The following SLC4A10 variants were observed in gnomAD, a reference collection of about 807,000 sequenced individuals.
SLC4A10 encodes the protein solute carrier family 4 member 10.
Under a neutral mutation model 137.7 loss-of-function variants are expected in SLC4A10, and 42 were observed. The ratio of observed to expected loss-of-function variants is 0.30; its 90% CI spans 0.24 to 0.39. The LOEUF is 0.39. SLC4A10 is among the 10% of genes least tolerant of loss of function. SLC4A10 has a pLI of 1.00. For missense variants in SLC4A10, 925 were observed against 1,355.0 expected (o/e 0.68, Z 4.98); for synonymous variants, 474 against 464.1 (o/e 1.02, Z -0.27).
At chr2:161,902,474 T>TA (rs1211238671) in intron 12 of SLC4A10, among the ~76,000 whole-genome samples, 27 of 151,680 alleles carry the variant, frequency 1.8e-4, no homozygotes, top group Non-Finnish European at 2.8e-4. Context: ...ATCCCTAAAA[T>TA]AAAAAAAAGT....
At chr2:161,974,452 T>C in intron 24 of SLC4A10, 136 bp downstream of exon 24, 1 of 626,006 alleles carries the variant, frequency 1.6e-6, no homozygotes. Context: ...AAGAGTTAGA[T>C]AACATGGGTC....
chr2:161,790,173 G>C (rs998853004), intron 2 of SLC4A10, among the ~76,000 whole-genome samples: 8 of 152,080 alleles, frequency 5.3e-5, no homozygotes, highest in African/African-American at 1.9e-4. Context: ...TTGATATTTA[G>C]TAACCATATC....
At chr2:161,676,753 G>A (rs745687322) in intron 1 of SLC4A10, among the ~76,000 whole-genome samples, 9 of 152,136 alleles carry the variant, frequency 5.9e-5, no homozygotes, top group African/African-American at 2.2e-4. Context: ...AGAATTAGTT[G>A]TAACTTAAGT....
At chr2:161,882,228 G>A in intron 9 of SLC4A10, 129 bp from the exon 10 acceptor site, 1 of 564,964 alleles carries the variant, frequency 1.8e-6, no homozygotes, top group South Asian at 3.3e-5. Context: ...AATGAACTAT[G>A]AAAAACTATG....
At chr2:161,886,762 A>C (rs193047685) in intron 10 of SLC4A10, among the ~76,000 whole-genome samples, 1 of 151,982 alleles carries the variant, frequency 6.6e-6, no homozygotes, top group East Asian at 1.9e-4. Context: ...GGCTGTCTCA[A>C]CCCCCAAATC....
intron 1 of SLC4A10, among the ~76,000 whole-genome samples, chr2:161,692,101 CAAAGAAAAGAAA>C (rs2042059700): frequency 6.6e-6 from 1 of 151,366 alleles, no homozygotes; most frequent in Non-Finnish European, 1.5e-5. Context: ...TCTCCTTAAA[CAAAGAAAAGAAA>C]AAAGAAAAGA....
intron 1 of SLC4A10, among the ~76,000 whole-genome samples, chr2:161,719,644 G>T (rs2045390272): frequency 6.6e-6 from 1 of 152,176 alleles, no homozygotes; most frequent in Non-Finnish European, 1.5e-5. Context: ...GCATTTCTCT[G>T]ATGACCAGTG....
At chr2:161,974,389 C>T (rs187544183) in intron 24 of SLC4A10, 73 bp downstream of exon 24, 148 of 1,189,974 alleles carry the variant, frequency 1.2e-4, no homozygotes, top group Middle Eastern at 7.9e-4. Flanking sequence ...GAATTTCATA[C>T]TGTGTAGATC....
At chr2:161,732,427 T>C (rs1324372286) in intron 1 of SLC4A10, among the ~76,000 whole-genome samples, 2 of 152,130 alleles carry the variant, frequency 1.3e-5, no homozygotes, top group South Asian at 2.1e-4. Context: ...ACTATATATT[T>C]TACCATGTCA....
intron 24 of SLC4A10, among the ~76,000 whole-genome samples, chr2:161,975,822 A>G (rs564397508): frequency 1.3e-5 from 2 of 152,252 alleles, no homozygotes; most frequent in Non-Finnish European, 2.9e-5. Flanking sequence ...CCCAGGCAGC[A>G]CCATGCCCAT....
At chr2:161,793,953 TA>T (rs1436977267) in intron 2 of SLC4A10, among the ~76,000 whole-genome samples, 2 of 152,092 alleles carry the variant, frequency 1.3e-5, no homozygotes, top group African/African-American at 4.8e-5. Context: ...TAATATAGCA[TA>T]AAAAAATTTT....
chr2:161,631,283 A>G (rs540845798), intron 1 of SLC4A10, among the ~76,000 whole-genome samples: 1 of 151,800 alleles, frequency 6.6e-6, no homozygotes, highest in Non-Finnish European at 1.5e-5. Flanking sequence ...TAAAATGGTG[A>G]ATTTTATGTT....
chr2:161,880,290 G>T (rs192465163), intron 9 of SLC4A10, among the ~76,000 whole-genome samples: 2 of 152,218 alleles, frequency 1.3e-5, no homozygotes, highest in Admixed American at 1.3e-4. Flanking sequence ...AAAAGTTCAG[G>T]TACTGTATCA....
chr2:161,924,869 G>C (rs1046444715), intron 15 of SLC4A10, among the ~76,000 whole-genome samples: 1 of 152,152 alleles, frequency 6.6e-6, no homozygotes, highest in Admixed American at 6.5e-5. Context: ...GAGTAGTAAA[G>C]CAAAATGAAT....
At chr2:161,938,657 A>T (rs1692054891) in intron 15 of SLC4A10, among the ~76,000 whole-genome samples, 1 of 151,732 alleles carries the variant, frequency 6.6e-6, no homozygotes, top group Non-Finnish European at 1.5e-5. Context: ...TGTACAAGAG[A>T]AGTATTCAAC....
intron 4 of SLC4A10, 100 bp downstream of exon 4, chr2:161,840,027 C>T: frequency 6.9e-7 from 1 of 1,442,678 alleles, no homozygotes; most frequent in Non-Finnish European, 9.6e-7. Flanking sequence ...TCTATGATTG[C>T]TGCTGATTTT....
At chr2:161,782,691 A>G (rs1352072691) in intron 2 of SLC4A10, among the ~76,000 whole-genome samples, 2 of 149,496 alleles carry the variant, frequency 1.3e-5, no homozygotes, top group Non-Finnish European at 3.0e-5. Flanking sequence ...GAAGAATAAA[A>G]TAATTAAATT....
intron 15 of SLC4A10, among the ~76,000 whole-genome samples, chr2:161,912,658 A>T (rs1401789099): frequency 6.6e-6 from 1 of 152,100 alleles, no homozygotes; most frequent in African/African-American, 2.4e-5. Flanking sequence ...AGAAAAGGCT[A>T]CTACAAACCC....
intron 1 of SLC4A10, among the ~76,000 whole-genome samples, chr2:161,701,801 C>A (rs750544543): frequency 1.3e-5 from 2 of 151,744 alleles, no homozygotes; most frequent in Non-Finnish European, 2.9e-5. Flanking sequence ...TTTTTAGCTC[C>A]CACATATGAA....
Sources: gnomAD v4.1 joint callset for allele counts (sites outside exome capture counted in the v4.1 genomes callset) on GRCh38, gnomAD v4.1.1 for gene constraint, MANE v1.5 for transcripts, NCBI Gene and HGNC (gene_info 2026-07-23, HGNC 2026-07-21) for gene names.